RBFOX1: variants seen among roughly 807,000 people sequenced by gnomAD.
The protein encoded by RBFOX1 is RNA binding fox-1 homolog 1.
Under a neutral mutation model 57.7 loss-of-function variants are expected in RBFOX1, and 8 were observed. The observed-to-expected ratio is 0.14, with a 90% CI of 0.08 to 0.25. The LOEUF (loss-of-function observed/expected upper bound fraction) is 0.25, where lower values mean the gene tolerates loss of function less well. RBFOX1 is among the 10% of genes least tolerant of loss of function. The pLI is 1.00. For missense variants in RBFOX1, 611 were observed against 548.5 expected, an observed-to-expected ratio of 1.11 and a Z score of -1.14; for synonymous variants, 326 against 222.4, an observed-to-expected ratio of 1.47 and a Z score of -4.15.
chr16:6,988,736 TTTTTTTGTTTGTTTG>T (rs1228566157), intron 3 of RBFOX1, among the ~76,000 whole-genome samples: 2 of 75,304 alleles, frequency 2.7e-5, no homozygotes, highest in Non-Finnish European at 4.9e-5. Flanking sequence ...AGCTAATTTT[TTTTTTTGTTTGTTTG>T]TTTTTTGTTT....
At chr16:6,780,514 A>G (rs1429542309) in intron 3 of RBFOX1, among the ~76,000 whole-genome samples, 5 of 115,974 alleles carry the variant, frequency 4.3e-5, no homozygotes, top group African/African-American at 1.6e-4. Context: ...ATATTTATAT[A>G]TACATTTATA....
chr16:6,813,393 C>T (rs12924909), intron 3 of RBFOX1, among the ~76,000 whole-genome samples: 22,551 of 151,954 alleles, frequency 0.15, 1,987 homozygotes, highest in South Asian at 0.23. Context: ...TGAGAATGCT[C>T]GTATGGGTTC....
Position 6,554,218 on chromosome 16 carries a change from C to G in RBFOX1, c.-63-100385C>G, listed in dbSNP as rs563729182. On this transcript the variant is annotated intron_variant, in intron 2 of 15. Coordinates refer to ENST00000550418, the MANE Select transcript of RBFOX1 (RefSeq NM_018723.4). ...GAAATAACATCCCTTTATTTCCCTA[C>G]TGAGTAAGAACCAATGGAGAAAGAA... Among the ~76,000 whole-genome samples the G allele has an allele frequency of 2.0e-5, 3 of 152,244 alleles. No individual in the cohort carries two copies. In the South Asian group the frequency reaches 6.2e-4, roughly 32 times the overall value.
intron 3 of RBFOX1, among the ~76,000 whole-genome samples, chr16:6,986,421 A>T (rs1179737346): frequency 6.6e-6 from 1 of 151,384 alleles, no homozygotes; most frequent in Non-Finnish European, 1.5e-5. Context: ...CTGGTCTGGA[A>T]CTCCTGACCT....
chr16:5,491,951 C>G (rs75356475), intron 2 of RBFOX1, among the ~76,000 whole-genome samples: 344 of 152,330 alleles, frequency 2.3e-3, no homozygotes, highest in Non-Finnish European at 3.3e-3. Flanking sequence ...GGGGCCCAGA[C>G]ACTGGTATTT....
intron 3 of RBFOX1, among the ~76,000 whole-genome samples, chr16:5,674,523 G>A (rs565448129): frequency 2.6e-5 from 4 of 152,156 alleles, no homozygotes; most frequent in African/African-American, 4.8e-5. Flanking sequence ...CTTGACAAAG[G>A]AACTTACAGA....
chr16:7,612,029 G>A (rs2057569576), intron 10 of RBFOX1, among the ~76,000 whole-genome samples: 1 of 151,998 alleles, frequency 6.6e-6, no homozygotes, highest in Admixed American at 6.6e-5. Context: ...GCTTATTCAA[G>A]ACAAATGATT....
chr16:5,910,021 C>A (rs1195518739), intron 4 of RBFOX1, among the ~76,000 whole-genome samples: 1 of 151,982 alleles, frequency 6.6e-6, no homozygotes, highest in Admixed American at 6.6e-5. Context: ...CCACTATACT[C>A]CAGCCTTGGT....
At chr16:5,618,126 T>C (rs1428294684) in intron 3 of RBFOX1, among the ~76,000 whole-genome samples, 2 of 152,228 alleles carry the variant, frequency 1.3e-5, no homozygotes, top group Non-Finnish European at 2.9e-5. Context: ...TTTTATCTCC[T>C]GGAAGTCTTC....
intron 3 of RBFOX1, among the ~76,000 whole-genome samples, chr16:6,892,025 C>T (rs1382142554): frequency 6.6e-6 from 1 of 152,198 alleles, no homozygotes; most frequent in African/African-American, 2.4e-5. Context: ...GTGTTGCCTA[C>T]TTAGAATTTT....
intron 4 of RBFOX1, among the ~76,000 whole-genome samples, chr16:7,383,767 C>T (rs2097826535): frequency 6.6e-6 from 1 of 151,996 alleles, no homozygotes; most frequent in African/African-American, 2.4e-5. Context: ...TTAAAGTATC[C>T]CAAGTATGGC....
intron 1 of RBFOX1, among the ~76,000 whole-genome samples, chr16:5,396,467 C>T (rs1239235243): frequency 6.6e-6 from 1 of 152,024 alleles, no homozygotes; most frequent in Admixed American, 6.6e-5. Context: ...ATGGCAAAAC[C>T]CCATCTCTAC....
chr16:6,277,982 G>A (rs1249782529), intron 1 of RBFOX1, among the ~76,000 whole-genome samples: 1 of 152,150 alleles, frequency 6.6e-6, no homozygotes, highest in African/African-American at 2.4e-5. Context: ...TTGGGTAGGT[G>A]ATGAGGTTCC....
chr16:5,966,884 T>A (rs1452650063), intron 4 of RBFOX1, among the ~76,000 whole-genome samples: 1 of 150,494 alleles, frequency 6.6e-6, no homozygotes, highest in African/African-American at 2.4e-5. Flanking sequence ...CACTATCCTG[T>A]CCTCTTCCCA....
At chr16:7,190,504 T>G (rs980889230) in intron 4 of RBFOX1, among the ~76,000 whole-genome samples, 2 of 151,806 alleles carry the variant, frequency 1.3e-5, no homozygotes, top group Non-Finnish European at 2.9e-5. Flanking sequence ...TTTTTTTTTC[T>G]TTCCTGAGTG....
At chr16:5,269,827 G>C (rs796210359) in intron 1 of RBFOX1, among the ~76,000 whole-genome samples, 1 of 152,198 alleles carries the variant, frequency 6.6e-6, no homozygotes, top group African/African-American at 2.4e-5. Flanking sequence ...AACAGCCCAA[G>C]TTGCAATTTT....
chr16:5,874,927 C>T (rs2057566394), intron 4 of RBFOX1, among the ~76,000 whole-genome samples: 2 of 152,084 alleles, frequency 1.3e-5, no homozygotes, highest in Non-Finnish European at 2.9e-5. Context: ...GTCTTGGTGA[C>T]AGAGCAAGAC....
At chr16:7,149,397 T>G (rs1042759068) in intron 4 of RBFOX1, among the ~76,000 whole-genome samples, 41 of 152,228 alleles carry the variant, frequency 2.7e-4, no homozygotes, top group African/African-American at 9.4e-4. Context: ...CCATTCCCAC[T>G]GGTGAGAGAC....
rs181906855 is a variant in RBFOX1 at position 5,257,744 on chromosome 16, C to T, written c.219+17639C>T. 1.8e-4 allele frequency among the ~76,000 whole-genome samples: 27 copies of T among 152,276 alleles called. No individual in the cohort carries two copies. In the South Asian group the frequency reaches 3.5e-3, roughly 20 times the overall value. On this transcript the variant is annotated intron_variant, in intron 1 of 2. Transcript: ENST00000585867. ...GAGTCCCCAGTGTCAGCCTCCCCCA[C>T]GCTTCCCTCCCTGCCCATTCCTTGT...
Sources: allele counts gnomAD v4.1 joint callset (sites outside exome capture counted in the v4.1 genomes callset), GRCh38; gene constraint gnomAD v4.1.1; transcripts MANE v1.5; gene names NCBI Gene and HGNC (gene_info 2026-07-23, HGNC 2026-07-21).